Variants in CNTN1 observed in about 807,000 individuals in gnomAD.
CNTN1 encodes the protein contactin 1.
In CNTN1, 38 loss-of-function variants were observed where a neutral mutation model predicts 126.4. That is an observed-to-expected ratio of 0.30 (90% confidence interval 0.23 to 0.39). The LOEUF is 0.39. Among genes scored for constraint, CNTN1 ranks in the 10% least tolerant of loss-of-function variants. The pLI is 1.00. For synonymous variants in CNTN1, 413 were observed against 422.6 expected (o/e 0.98, Z 0.28); for missense variants, 1,009 against 1,248.4 (o/e 0.81, Z 2.89).
intron 1 of CNTN1, among the ~76,000 whole-genome samples, chr12:40,883,260 G>A (rs1014687324): frequency 6.6e-6 from 1 of 151,518 alleles, no homozygotes; most frequent in South Asian, 2.1e-4. Flanking sequence ...TCAGCTATTT[G>A]TTGACTATTT....
chr12:40,759,579 C>T (rs1387457584), intron 1 of CNTN1, among the ~76,000 whole-genome samples: 5 of 151,810 alleles, frequency 3.3e-5, no homozygotes, highest in Admixed American at 2.6e-4. Context: ...GATCCTCCCA[C>T]CTGAGCATCC....
intron 23 of CNTN1, among the ~76,000 whole-genome samples, chr12:41,031,371 C>T (rs1949142380): frequency 6.6e-6 from 1 of 152,092 alleles, no homozygotes; most frequent in South Asian, 2.1e-4. Flanking sequence ...ATGTAATTGC[C>T]ACCATACAGG....
intron 6 of CNTN1, among the ~76,000 whole-genome samples, chr12:40,925,806 A>ATATG (rs1177235709): frequency 2.4e-5 from 1 of 41,060 alleles, no homozygotes; most frequent in African/African-American, 1.1e-4. Context: ...GAAATTATAT[A>ATATG]TATATATATA....
intron 1 of CNTN1, among the ~76,000 whole-genome samples, chr12:40,701,235 T>A (rs1941586787): frequency 6.6e-6 from 1 of 152,228 alleles, no homozygotes; most frequent in Admixed American, 6.5e-5. Flanking sequence ...CTTATTGATA[T>A]CTTTCACTAC....
intron 1 of CNTN1, among the ~76,000 whole-genome samples, chr12:40,704,407 G>T (rs1941681090): frequency 6.6e-6 from 1 of 152,066 alleles, no homozygotes; most frequent in African/African-American, 2.4e-5. Context: ...TCATCTTGCT[G>T]TTAGGTATCT....
chr12:40,699,218 A>T lies in CNTN1; in HGVS notation c.-77+6626A>T, dbSNP rs150852194. The stretch of plus-strand genomic sequence containing the variant: ...GTGTCTGATAGAGGACCTGACATAG[A>T]GTTGATACTTAATAAATATTTTCTG... On this transcript the variant is annotated intron_variant, in intron 1 of 23. Transcript: ENST00000551295. Among the ~76,000 whole-genome samples the T allele has an allele frequency of 7.2e-5, 11 of 152,360 alleles. No homozygotes were observed. The East Asian group carries it at 2.1e-3, about 29-fold the overall frequency.
At chr12:40,918,845 A>G in intron 4 of CNTN1, 74 bp downstream of exon 4, 1 of 1,554,582 alleles carries the variant, frequency 6.4e-7, no homozygotes, top group Admixed American at 1.7e-5. Context: ...ATGAACTTGT[A>G]CAGATGTAAT....
intron 1 of CNTN1, among the ~76,000 whole-genome samples, chr12:40,890,124 C>A (rs542068703): frequency 6.6e-6 from 1 of 152,026 alleles, no homozygotes; most frequent in Non-Finnish European, 1.5e-5. Context: ...TTAAACAGAG[C>A]GAATATCACC....
rs182597711 is a variant in CNTN1 at position 40,955,843 on chromosome 12, G to A, written c.1684-3271G>A. Among the ~76,000 whole-genome samples, 121 of 152,176 alleles carry A rather than the reference G, an allele frequency of 8.0e-4. 1 individual carries two copies. The highest frequency in any genetic ancestry group is 2.7e-3 in the African/African-American group (114 of 41,534). On this transcript the variant is annotated intron_variant, in intron 14 of 23. Coordinates refer to ENST00000551295, the MANE Select transcript of CNTN1 (RefSeq NM_001843.4). ...ATATGGGAGGGGTATCCAAAATGTG[G>A]GTTGAACATTCATAGCCAAGTAATG...
chr12:41,003,048 T>G (rs1592386279), intron 17 of CNTN1, among the ~76,000 whole-genome samples: 1 of 152,302 alleles, frequency 6.6e-6, no homozygotes, highest in East Asian at 1.9e-4. Context: ...GATTCCAGCT[T>G]TTGCCCATTC....
At chr12:40,878,079 C>T (rs1375276334) in intron 1 of CNTN1, among the ~76,000 whole-genome samples, 1 of 142,496 alleles carries the variant, frequency 7.0e-6, no homozygotes, top group Admixed American at 7.6e-5. Flanking sequence ...CTCATAGCAA[C>T]CTCTACTTCC....
chr12:40,804,260 G>A (rs958879204), intron 1 of CNTN1, among the ~76,000 whole-genome samples: 4 of 151,974 alleles, frequency 2.6e-5, no homozygotes, highest in Non-Finnish European at 4.4e-5. Context: ...AAGTAGGAAA[G>A]GAGTAACATT....
At chr12:41,011,105 C>G (rs750383319) in intron 17 of CNTN1, among the ~76,000 whole-genome samples, 6 of 152,156 alleles carry the variant, frequency 3.9e-5, no homozygotes, top group Non-Finnish European at 5.9e-5. Flanking sequence ...TGGAAGGGTT[C>G]TATATACCTA....
Position 40,958,345 on chromosome 12 carries a change from GTA to G in CNTN1, c.1684-763_1684-762del, listed in dbSNP as rs530835604. On this transcript the variant is annotated intron_variant, in intron 14 of 23. Transcript: ENST00000551295. ...TGTATGTATGTGTATATGTGTGTGT[GTA>G]TATATGTGTGTGTGTGTGTGTGTGT... Among the ~76,000 whole-genome samples the G allele has an allele frequency of 1.3e-4, 15 of 118,930 alleles. No individual in the cohort carries two copies. In the South Asian group the frequency reaches 2.6e-3, roughly 21 times the overall value. The allele number at this position is 118,930 out of a possible 152,430, so 78.0% of individuals were successfully genotyped here. A position where few individuals can be genotyped will look rare whatever the true frequency, so the allele number is the denominator to read the frequency against.
intron 1 of CNTN1, among the ~76,000 whole-genome samples, chr12:40,730,557 C>T (rs2121259236): frequency 6.6e-6 from 1 of 152,208 alleles, no homozygotes; most frequent in African/African-American, 2.4e-5. Context: ...CCTCAGTTGC[C>T]CAATATCTAT....
chr12:40,824,368 A>G (rs910142765), intron 1 of CNTN1, among the ~76,000 whole-genome samples: 4 of 152,020 alleles, frequency 2.6e-5, no homozygotes, highest in African/African-American at 9.7e-5. Context: ...TTCTTCCAAC[A>G]CTAAGCCTTG....
intron 1 of CNTN1, among the ~76,000 whole-genome samples, chr12:40,792,752 C>T (rs977867635): frequency 1.3e-5 from 2 of 151,894 alleles, no homozygotes; most frequent in Non-Finnish European, 2.9e-5. Context: ...TTTTATCCTC[C>T]AAGACCCTTG....
intron 9 of CNTN1, among the ~76,000 whole-genome samples, chr12:40,934,957 T>G (rs1421042889): frequency 6.6e-6 from 1 of 152,088 alleles, no homozygotes; most frequent in Non-Finnish European, 1.5e-5. Context: ...CCTACTTTGT[T>G]ATTAATTTCC....
chr12:41,017,129 C>G (rs925869486), intron 19 of CNTN1, among the ~76,000 whole-genome samples: 1 of 152,104 alleles, frequency 6.6e-6, no homozygotes, highest in Non-Finnish European at 1.5e-5. Flanking sequence ...TCATTTAGAT[C>G]ATGCCCATGG....
Sources: gnomAD v4.1 joint callset for allele counts (sites outside exome capture counted in the v4.1 genomes callset) on GRCh38, gnomAD v4.1.1 for gene constraint, MANE v1.5 for transcripts, NCBI Gene and HGNC (gene_info 2026-07-23, HGNC 2026-07-21) for gene names.